The following GSE1 variants were observed in gnomAD, a reference collection of about 807,000 sequenced individuals.
GSE1 encodes the protein Gse1 coiled-coil protein.
GSE1 carries 32 observed loss-of-function variants against 112.6 expected under a neutral mutation model. That is an observed-to-expected ratio of 0.28 (90% CI 0.21 to 0.38). The LOEUF is 0.38. GSE1 is among the 10% of genes least tolerant of loss of function. The probability of loss-of-function intolerance (pLI) is 1.00; values close to 1 mark genes in which losing one functional copy is unlikely to be tolerated. For missense variants in GSE1, 2,348 were observed against 1,699.2 expected, an observed-to-expected ratio of 1.38 and a Z score of -6.71; for synonymous variants, 1,115 against 735.6, an observed-to-expected ratio of 1.52 and a Z score of -8.35.
At chr16:85,510,407 C>CGTGTGTGTGTGTCTGT (rs371815682) in intron 2 of GSE1, among the ~76,000 whole-genome samples, 87,059 of 149,236 alleles carry the variant, frequency 0.58, 26,210 homozygotes, top group East Asian at 0.79. Flanking sequence ...CCCGAGCGTG[C>CGTGTGTGTGTGTCTGT]GTGTGTGTGT....
intron 2 of GSE1, among the ~76,000 whole-genome samples, chr16:85,506,123 G>T (rs1454022893): frequency 6.6e-6 from 1 of 152,152 alleles, no homozygotes; most frequent in African/African-American, 2.4e-5. Flanking sequence ...GCTATTGTGT[G>T]CAGTTGTGCA....
intron 1 of GSE1, among the ~76,000 whole-genome samples, chr16:85,598,817 C>T (rs1182261755): frequency 6.6e-6 from 1 of 152,224 alleles, no homozygotes; most frequent in African/African-American, 2.4e-5. Context: ...GCCCCCTCGT[C>T]CGTTCTGCAG....
At position 85,431,673 on chromosome 16, in the gene GSE1, G is replaced by A. The variant is rs146685337; in HGVS notation, c.2464+74030G>A. The stretch of plus-strand genomic sequence containing the variant: ...CGCCATTGGCCTTCCGTCCTCCTTC[G>A]GAGCGAAGCTCCACCCAGCCCACCT... On this transcript the variant is annotated intron_variant, in intron 2 of 2. Transcript: ENST00000637419. 6.2e-3 allele frequency among the ~76,000 whole-genome samples: 945 copies of A among 152,096 alleles called. 6 individuals are homozygous for A. Among genetic ancestry groups the A allele is most frequent in the African/African-American group, 0.021 (892 of 41,496 alleles).
In GSE1 at chr16:85,451,074, C is replaced by CAAAAA. The variant is rs57839123; in HGVS notation, c.2464+93451_2464+93455dup. Among the ~76,000 whole-genome samples, 12 of 64,144 alleles carry CAAAAA rather than the reference C, an allele frequency of 1.9e-4. 1 individual carries two copies. Among genetic ancestry groups the CAAAAA allele is most frequent in the South Asian group, 7.5e-4 (1 of 1,330 alleles). The allele number at this position is 64,144 out of a possible 152,430, so 42.1% of individuals were successfully genotyped here. ...GGGTGACAAGAGCAAAACGCCATCT[C>CAAAAA]AAAAAAAAAAAAAAAAAAAAAAAAG... On this transcript the variant is annotated intron_variant, in intron 2 of 2. Coordinates refer to the GSE1 transcript ENST00000637419.
At chr16:85,248,440 T>C (rs1221384066) in intron 1 of GSE1, among the ~76,000 whole-genome samples, 1 of 152,012 alleles carries the variant, frequency 6.6e-6, no homozygotes. Context: ...CATCTCTCTC[T>C]CCCTTTTTCT....
intron 1 of GSE1, among the ~76,000 whole-genome samples, chr16:85,184,733 T>C (rs2074664736): frequency 6.6e-6 from 1 of 152,252 alleles, no homozygotes; most frequent in Non-Finnish European, 1.5e-5. Context: ...TTTAGAAGTA[T>C]GTTGCTTAAT....
intron 1 of GSE1, among the ~76,000 whole-genome samples, chr16:85,268,110 G>A (rs16975448): frequency 0.21 from 32,346 of 151,964 alleles, 3,993 homozygotes; most frequent in African/African-American, 0.34. Flanking sequence ...GCGGTCTGCT[G>A]TGATGCCTCT....
At chr16:85,312,963 C>T (rs1712751816) in intron 1 of GSE1, among the ~76,000 whole-genome samples, 2 of 151,952 alleles carry the variant, frequency 1.3e-5, no homozygotes, top group East Asian at 1.9e-4. Flanking sequence ...GGGGATGAAG[C>T]GGGCCTCAGG....
chr16:85,543,537 G>T (rs545955239), intron 2 of GSE1, among the ~76,000 whole-genome samples: 4 of 152,258 alleles, frequency 2.6e-5, no homozygotes, highest in African/African-American at 9.6e-5. Flanking sequence ...GCAGGCCCTG[G>T]GTCCCTTCCC....
At chr16:85,483,925 C>G (rs1215963451) in intron 2 of GSE1, among the ~76,000 whole-genome samples, 1 of 152,250 alleles carries the variant, frequency 6.6e-6, no homozygotes, top group East Asian at 1.9e-4. Context: ...CTGCCATCCT[C>G]TCAGCTGGGA....
At chr16:85,667,124 C>G (rs16975786) in intron 13 of GSE1, among the ~76,000 whole-genome samples, 7,653 of 152,318 alleles carry the variant, frequency 0.05, 688 homozygotes, top group African/African-American at 0.18. Flanking sequence ...CCAAGGGAGA[C>G]TATACAGTGC....
chr16:85,552,108 C>T (rs1209986375), upstream of GSE1, among the ~76,000 whole-genome samples: 1 of 152,014 alleles, frequency 6.6e-6, no homozygotes. Context: ...TCACTGCAAG[C>T]TCCGCCTTCA....
chr16:85,449,994 C>A (rs2049628647), intron 2 of GSE1, among the ~76,000 whole-genome samples: 1 of 152,138 alleles, frequency 6.6e-6, no homozygotes, highest in Non-Finnish European at 1.5e-5. Flanking sequence ...CCCCAGTGGC[C>A]TTCTGTCTTC....
intron 1 of GSE1, among the ~76,000 whole-genome samples, chr16:85,172,500 C>G (rs1023715228): frequency 1.3e-5 from 2 of 152,244 alleles, no homozygotes; most frequent in African/African-American, 4.8e-5. Context: ...GCCTGCCTTC[C>G]TGCTGCCCGC....
chr16:85,617,574 C>G (rs897030636), intron 1 of GSE1, among the ~76,000 whole-genome samples: 31 of 142,840 alleles, frequency 2.2e-4, no homozygotes, highest in Non-Finnish European at 1.2e-4. Flanking sequence ...GGGATGCAGC[C>G]TGGGCATCCG....
intron 2 of GSE1, among the ~76,000 whole-genome samples, chr16:85,371,088 G>T (rs139186419): frequency 6.6e-6 from 1 of 152,156 alleles, no homozygotes; most frequent in African/African-American, 2.4e-5. Flanking sequence ...GGAGGGAGCC[G>T]GAGGCGTCCT....
intron 1 of GSE1, among the ~76,000 whole-genome samples, chr16:85,308,465 A>T (rs1040188922): frequency 1.3e-5 from 2 of 152,184 alleles, no homozygotes; most frequent in East Asian, 3.9e-4. Flanking sequence ...CGCAATACTG[A>T]TTACAAACAG....
chr16:85,380,896 G>A (rs578208145), intron 2 of GSE1, among the ~76,000 whole-genome samples: 9 of 152,260 alleles, frequency 5.9e-5, no homozygotes, highest in Non-Finnish European at 1.0e-4. Context: ...ATGGGAACGC[G>A]GTGAGCCCTG....
At chr16:85,262,892 A>G (rs932111605) in intron 1 of GSE1, among the ~76,000 whole-genome samples, 3 of 152,204 alleles carry the variant, frequency 2.0e-5, no homozygotes, top group Non-Finnish European at 4.4e-5. Context: ...GTGTTAATTG[A>G]CTACCGACTG....
Sources: allele counts gnomAD v4.1 joint callset (sites outside exome capture counted in the v4.1 genomes callset), GRCh38; gene constraint gnomAD v4.1.1; transcripts MANE v1.5; gene names NCBI Gene and HGNC (gene_info 2026-07-23, HGNC 2026-07-21).